The following TACSTD2 variants were observed in gnomAD, a reference collection of about 807,000 sequenced individuals.
TACSTD2 encodes tumor associated calcium signal transducer 2.
In TACSTD2, 6 loss-of-function variants were observed where a neutral mutation model predicts 7.9. That is an observed-to-expected ratio of 0.76 (90% CI 0.42 to 1.50). The LOEUF (loss-of-function observed/expected upper bound fraction) is 1.50, where lower values mean the gene tolerates loss of function less well. TACSTD2 is among the 40% of genes most tolerant of loss of function. TACSTD2 has a pLI of 0.01. For missense variants in TACSTD2, 511 were observed against 471.2 expected, an observed-to-expected ratio of 1.08 and a Z score of -0.78; for synonymous variants, 220 against 225.5, an observed-to-expected ratio of 0.98 and a Z score of 0.22.
Position 58,576,531 on chromosome 1 carries a change from G to T in TACSTD2, c.626C>A (p.Thr209Lys), listed in dbSNP as rs755145854. The change falls in exon 1 of 1, where the codon ACG becomes AAG. Residue 209 changes from threonine to lysine, a missense_variant. By Grantham distance (78) the Thr-to-Lys change is moderately conservative. Coordinates refer to ENST00000371225, the MANE Select transcript of TACSTD2 (RefSeq NM_002353.3). Reference protein sequence around the residue: ...PTIQIELRQNTSQKAAGDVDI... With the variant: ...PTIQIELRQNKSQKAAGDVDI... ...CACGTCACCGGCGGCCTTCTGAGACGTGTTCTGCCGCAGCTCGATCTGGAT... is the reference window on the plus strand; with the variant it reads ...CACGTCACCGGCGGCCTTCTGAGACTTGTTCTGCCGCAGCTCGATCTGGAT... 13 of 1,612,120 alleles carry T rather than the reference G, an allele frequency of 8.1e-6. No homozygotes were observed. The highest frequency in any genetic ancestry group is 6.7e-5 in the Admixed American group (4 of 59,838).
chr1:58,576,385 T>A lies in TACSTD2; in HGVS notation c.772A>T (p.Ile258Phe), dbSNP rs781543075. 6.2e-6 allele frequency: 10 copies of A among 1,613,140 alleles called. No homozygotes were observed. The East Asian group carries it at 1.8e-4, about 29-fold the overall frequency. Residue 258 changes from isoleucine to phenylalanine, a missense_variant, in exon 1 of 1, where the codon ATC becomes TTC. By Grantham distance (21) the Ile-to-Phe change is conservative (BLOSUM62 0). Coordinates refer to ENST00000371225, the MANE Select transcript of TACSTD2 (RefSeq NM_002353.3). ...GEPLQVERTL[I>F]YYLDEIPPKF... Reference sequence around the variant, plus strand: ...GGGGGAATCTCGTCCAGGTAATAGATGAGCGTGCGCTCCACCTGCAGGGGT... The same window carrying A: ...GGGGGAATCTCGTCCAGGTAATAGAAGAGCGTGCGCTCCACCTGCAGGGGT...
At position 58,576,363 on chromosome 1, in the gene TACSTD2, G is replaced by A. The variant is rs973581743; in HGVS notation, c.794C>T (p.Pro265Leu). 3.7e-6 allele frequency: 6 copies of A among 1,613,116 alleles called. No homozygotes were observed. In the East Asian group the frequency reaches 6.7e-5, roughly 18 times the overall value. The part of the protein sequence containing the change: ...RTLIYYLDEI[P>L]PKFSMKRLTA... The stretch of plus-strand genomic sequence containing the variant: ...GAGGCGCTTCATGGAGAACTTCGGG[G>A]GAATCTCGTCCAGGTAATAGATGAG... Residue 265 changes from proline to leucine, a missense_variant, in exon 1 of 1, where the codon CCC becomes CTC. Transcript: ENST00000371225.
rs754391579 is a variant in TACSTD2 at position 58,576,275 on chromosome 1, G to A, written c.882C>T (p.Val294=). 2 of 1,613,876 alleles carry A rather than the reference G, an allele frequency of 1.2e-6. No homozygotes were observed. Among genetic ancestry groups the A allele is most frequent in the Admixed American group, 1.7e-5 (1 of 60,012 alleles). ...VVVALVAGMA[V]LVITNRRKSG... is the part of the protein sequence containing the mutation. The stretch of plus-strand genomic sequence containing the variant: ...ACTTTCTCCGGTTGGTGATCACCAG[G>A]ACGGCCATGCCGGCGACGAGGGCCA... Residue 294 remains valine (V), a synonymous_variant, in exon 1 of 1, where the codon GTC becomes GTT. Transcript: ENST00000371225.
chr1:58,577,094 C>G lies in TACSTD2; in HGVS notation c.63G>C (p.Leu21=). ...CGGCCGTGTGGCCGGTCACCGCCGC[C>G]AGCACCAGCAGCAGCAGCGGCAGCC... ...PLRLPLLLLV[L]AAVTGHTAAQ... is the part of the protein sequence containing the mutation. Residue 21 remains leucine, a synonymous_variant, in exon 1 of 1, where the codon CTG becomes CTC. Coordinates refer to ENST00000371225, the MANE Select transcript of TACSTD2 (RefSeq NM_002353.3). 6.9e-7 allele frequency: 1 copy of G among 1,457,082 alleles called. No individual in the cohort carries two copies. The highest frequency in any genetic ancestry group is 9.0e-7 in the Non-Finnish European group (1 of 1,114,100). 90.3% of individuals were successfully genotyped at this position (1,457,082 alleles called of 1,614,324 possible).
Position 58,576,486 on chromosome 1 carries a change from T to C in TACSTD2, c.671A>G (p.Tyr224Cys), listed in dbSNP as rs1325441549. The C allele has an allele frequency of 1.2e-6, 2 of 1,613,416 alleles. No homozygotes were observed. Among genetic ancestry groups the C allele is most frequent in the Non-Finnish European group, 8.5e-7 (1 of 1,179,862 alleles). ...GCCCTTGATGTCCCTCTCGAAGTAG[T>C]AGGCGGCATCGCCGATATCCACGTC... Reference protein sequence around the residue: ...AGDVDIGDAAYYFERDIKGES... With the variant: ...AGDVDIGDAACYFERDIKGES... The change falls in exon 1 of 1, where the codon TAC (tyrosine) becomes TGC (cysteine). Residue 224 changes from tyrosine (Y) to cysteine (C), a missense_variant. Coordinates refer to ENST00000371225, the MANE Select transcript of TACSTD2 (RefSeq NM_002353.3).
chr1:58,576,888 A>C lies in TACSTD2; in HGVS notation c.269T>G (p.Val90Gly). The C allele has an allele frequency of 1.9e-6, 3 of 1,590,622 alleles. No homozygotes were observed. Among genetic ancestry groups the C allele is most frequent in the Non-Finnish European group, 2.6e-6 (3 of 1,175,280 alleles). ...CACGAGCGCGTGCTCACTCGGCCGC[A>C]CCAGCGTGCGGGCGTTCTTGGGGGC... ...MSAPKNARTLVRPSEHALVDN... is the reference protein window; with the variant it reads ...MSAPKNARTLGRPSEHALVDN... Residue 90 changes from valine to glycine, a missense_variant, in exon 1 of 1, where the codon GTG becomes GGG. Val to Gly is a moderately radical substitution (Grantham distance 109). Transcript: ENST00000371225.
At position 58,575,949 on chromosome 1, in the gene TACSTD2, G is replaced by T; in HGVS notation, c.*236C>A. Reference sequence around the variant, plus strand: ...TGCCCCAGTCAGGTTTCCTGTTGTTGGACCGAAAGGGGATACATTTTAGAA... The same window carrying T: ...TGCCCCAGTCAGGTTTCCTGTTGTTTGACCGAAAGGGGATACATTTTAGAA... On this transcript the variant is annotated 3_prime_UTR_variant, in exon 1 of 1. Coordinates refer to ENST00000371225, the MANE Select transcript of TACSTD2 (RefSeq NM_002353.3). The T allele has an allele frequency of 1.8e-6, 1 of 568,716 alleles. No homozygotes were observed. The highest frequency in any genetic ancestry group is 3.0e-6 in the Non-Finnish European group (1 of 327,952). 35.2% of individuals were successfully genotyped at this position (568,716 alleles called of 1,614,324 possible). A position where few individuals can be genotyped will look rare whatever the true frequency, so the allele number is the denominator to read the frequency against.
Position 58,576,877 on chromosome 1 carries a change from C to G in TACSTD2, c.280G>C (p.Glu94Gln), listed in dbSNP as rs1430650299. 1.3e-6 allele frequency: 2 copies of G among 1,590,842 alleles called. No homozygotes were observed. Among genetic ancestry groups the G allele is most frequent in the Admixed American group, 3.4e-5 (2 of 58,752 alleles). Residue 94 changes from glutamate to glutamine, a missense_variant, in exon 1 of 1, where the codon GAG becomes CAG. By Grantham distance (29) the Glu-to-Gln change is conservative. Coordinates refer to ENST00000371225, the MANE Select transcript of TACSTD2 (RefSeq NM_002353.3). ...CCATCGTTGTCCACGAGCGCGTGCT[C>G]ACTCGGCCGCACCAGCGTGCGGGCG... The part of the protein sequence containing the change: ...KNARTLVRPS[E>Q]HALVDNDGLY...
Position 58,575,471 on chromosome 1 carries a change from A to T in TACSTD2, c.*714T>A, listed in dbSNP as rs1248831028. The T allele has an allele frequency of 1.3e-5, 2 of 152,184 alleles. No homozygotes were observed. Among genetic ancestry groups the T allele is most frequent in the African/African-American group, 4.8e-5 (2 of 41,454 alleles). 9.4% of individuals were successfully genotyped at this position (152,184 alleles called of 1,614,324 possible). A position where few individuals can be genotyped will look rare whatever the true frequency, so the allele number is the denominator to read the frequency against. ...TTTTATTAAATTCGTGTTTTATTTTAAAAAATTACAGCAACATTATCAAAG... is the reference window on the plus strand; with the variant it reads ...TTTTATTAAATTCGTGTTTTATTTTTAAAAATTACAGCAACATTATCAAAG... On this transcript the variant is annotated 3_prime_UTR_variant, in exon 1 of 1. Coordinates refer to ENST00000371225, the MANE Select transcript of TACSTD2 (RefSeq NM_002353.3).
Position 58,576,731 on chromosome 1 carries a change from G to A in TACSTD2, c.426C>T (p.Ser142=), listed in dbSNP as rs1368634155. The part of the protein sequence containing the change: ...GVRRTDKGDL[S]LRCDELVRTH... ...TGCGCACCAGCTCATCGCAGCGTAG[G>A]CTCAGGTCGCCCTTGTCCGTGCGGC... The change falls in exon 1 of 1, where the codon AGC becomes AGT. Residue 142 remains serine, a synonymous_variant. Coordinates refer to ENST00000371225, the MANE Select transcript of TACSTD2 (RefSeq NM_002353.3). 6.2e-7 allele frequency: 1 copy of A among 1,600,774 alleles called. No individual in the cohort carries two copies. Among genetic ancestry groups the A allele is most frequent in the African/African-American group, 1.3e-5 (1 of 75,046 alleles).
At position 58,576,224 on chromosome 1, in the gene TACSTD2, G is replaced by C; in HGVS notation, c.933C>G (p.Ile311Met). ...CCTTTCTCAACTCCCCCAGTTCCTT[G>C]ATCTCCACCTTCTTGTACTTCCCCG... Reference protein sequence around the residue: ...RKSGKYKKVEIKELGELRKEP... With the variant: ...RKSGKYKKVEMKELGELRKEP... Residue 311 changes from isoleucine to methionine, a missense_variant, in exon 1 of 1, where the codon ATC (isoleucine) becomes ATG (methionine). Ile to Met is a conservative substitution (Grantham distance 10, BLOSUM62 1). Coordinates refer to ENST00000371225, the MANE Select transcript of TACSTD2 (RefSeq NM_002353.3). 1.9e-6 allele frequency: 3 copies of C among 1,614,114 alleles called. No individual in the cohort carries two copies. Among genetic ancestry groups the C allele is most frequent in the Non-Finnish European group, 2.5e-6 (3 of 1,180,040 alleles).
chr1:58,576,465 T>G lies in TACSTD2; in HGVS notation c.692A>C (p.Lys231Thr), dbSNP rs1646882220. The G allele has an allele frequency of 6.2e-7, 1 of 1,613,756 alleles. No homozygotes were observed. Residue 231 changes from lysine (K) to threonine (T), a missense_variant, in exon 1 of 1, where the codon AAG becomes ACG. By Grantham distance (78) the Lys-to-Thr change is moderately conservative. Transcript: ENST00000371225. ...GCGGCCCTGGAATAGAGACTCGCCC[T>G]TGATGTCCCTCTCGAAGTAGTAGGC... ...DAAYYFERDI[K>T]GESLFQGRGG...
chr1:58,576,296 G>A lies in TACSTD2; in HGVS notation c.861C>T (p.Ala287=), dbSNP rs1470318913. Residue 287 remains alanine (A), a synonymous_variant, in exon 1 of 1, where the codon GCC becomes GCT. Transcript: ENST00000371225. ...LIAVIVVVVV[A]LVAGMAVLVI... ...CCAGGACGGCCATGCCGGCGACGAG[G>A]GCCACCACGACCACCACGATGACGG... 5 of 1,613,460 alleles carry A rather than the reference G, an allele frequency of 3.1e-6. No homozygotes were observed. The Admixed American group carries it at 6.7e-5, about 22-fold the overall frequency.
At position 58,576,832 on chromosome 1, in the gene TACSTD2, C is replaced by G. The variant is rs1318914186; in HGVS notation, c.325G>C (p.Asp109His). ...CGCGCCTTGAAGCGGCCCTCGGGGT[C>G]GCAGTCGGGGTCGTAGAGGCCATCG... Reference protein sequence around the residue: ...DNDGLYDPDCDPEGRFKARQC... With the variant: ...DNDGLYDPDCHPEGRFKARQC... The change falls in exon 1 of 1, where the codon GAC (aspartate) becomes CAC (histidine). Residue 109 changes from aspartate (D) to histidine (H), a missense_variant. Coordinates refer to ENST00000371225, the MANE Select transcript of TACSTD2 (RefSeq NM_002353.3). 1 of 1,595,510 alleles carries G rather than the reference C, an allele frequency of 6.3e-7. No individual in the cohort carries two copies. Among genetic ancestry groups the G allele is most frequent in the Non-Finnish European group, 8.5e-7 (1 of 1,177,722 alleles).
In TACSTD2 at chr1:58,576,067, A is replaced by G; in HGVS notation, c.*118T>C. 4.7e-6 allele frequency: 6 copies of G among 1,286,230 alleles called. No homozygotes were observed. The highest frequency in any genetic ancestry group is 6.3e-6 in the Non-Finnish European group (6 of 947,174). 79.7% of individuals were successfully genotyped at this position (1,286,230 alleles called of 1,614,324 possible). On this transcript the variant is annotated 3_prime_UTR_variant, in exon 1 of 1. Transcript: ENST00000371225. The stretch of plus-strand genomic sequence containing the variant: ...TGTGCGCAAAAGGGAGGGGGAAGGC[A>G]GGAATTTGAAAGGATAAACGTCTCC...
In TACSTD2 at chr1:58,576,316, T is replaced by TGATGAGGCCGGCGATGATGA. The variant is rs1646880015; in HGVS notation, c.840_841insTCATCATCGCCGGCCTCATC (p.Ile281SerfsTer23). 1.2e-6 allele frequency: 2 copies of TGATGAGGCCGGCGATGATGA among 1,613,358 alleles called. No homozygotes were observed. The highest frequency in any genetic ancestry group is 4.5e-5 in the East Asian group (2 of 44,838). On this transcript the variant is annotated frameshift_variant, in exon 1 of 1. Transcript: ENST00000371225. LOFTEE classifies it high-confidence loss of function. ...ACGAGGGCCACCACGACCACCACGA[T>TGATGAGGCCGGCGATGATGA]GACGGCGATGAGGCCGGCGGTGAGG...
chr1:58,576,792 G>A lies in TACSTD2; in HGVS notation c.365C>T (p.Thr122Met). 6.3e-7 allele frequency: 1 copy of A among 1,598,084 alleles called. No homozygotes were observed. Reference sequence around the variant, plus strand: ...CGAGTTCACGCACCAGCACACCGACGTCTGGTTGCACTGGCGCGCCTTGAA... The same window carrying A: ...CGAGTTCACGCACCAGCACACCGACATCTGGTTGCACTGGCGCGCCTTGAA... The part of the protein sequence containing the change: ...GRFKARQCNQ[T>M]SVCWCVNSVG... Residue 122 changes from threonine to methionine, a missense_variant, in exon 1 of 1, where the codon ACG (threonine) becomes ATG (methionine). By Grantham distance (81) the Thr-to-Met change is moderately conservative. Coordinates refer to ENST00000371225, the MANE Select transcript of TACSTD2 (RefSeq NM_002353.3).
chr1:58,576,544 G>T lies in TACSTD2; in HGVS notation c.613C>A (p.Leu205Met). ...HYEQPTIQIE[L>M]RQNTSQKAAG... ...GCCTTCTGAGACGTGTTCTGCCGCA[G>T]CTCGATCTGGATGGTGGGCTGCTCG... The change falls in exon 1 of 1, where the codon CTG (leucine) becomes ATG (methionine). Residue 205 changes from leucine (L) to methionine (M), a missense_variant. Coordinates refer to ENST00000371225, the MANE Select transcript of TACSTD2 (RefSeq NM_002353.3). 1 of 1,612,224 alleles carries T rather than the reference G, an allele frequency of 6.2e-7. No homozygotes were observed. Among genetic ancestry groups the T allele is most frequent in the Non-Finnish European group, 8.5e-7 (1 of 1,179,526 alleles).
Position 58,576,819 on chromosome 1 carries a change from C to T in TACSTD2, c.338G>A (p.Arg113His), listed in dbSNP as rs1646886682. 1.9e-6 allele frequency: 3 copies of T among 1,596,048 alleles called. No homozygotes were observed. Among genetic ancestry groups the T allele is most frequent in the Non-Finnish European group, 2.5e-6 (3 of 1,177,720 alleles). ...LYDPDCDPEG[R>H]FKARQCNQTS... Reference sequence around the variant, plus strand: ...CTGGTTGCACTGGCGCGCCTTGAAGCGGCCCTCGGGGTCGCAGTCGGGGTC... The same window carrying T: ...CTGGTTGCACTGGCGCGCCTTGAAGTGGCCCTCGGGGTCGCAGTCGGGGTC... Residue 113 changes from arginine (R) to histidine (H), a missense_variant, in exon 1 of 1, where the codon CGC becomes CAC. Coordinates refer to ENST00000371225, the MANE Select transcript of TACSTD2 (RefSeq NM_002353.3).
Sources: allele counts gnomAD v4.1 joint callset, GRCh38; gene constraint gnomAD v4.1.1; transcripts MANE v1.5; gene names NCBI Gene and HGNC (gene_info 2026-07-23, HGNC 2026-07-21).